Variants in DAPK1 observed in about 807,000 individuals in gnomAD.
DAPK1 encodes death associated protein kinase 1.
In DAPK1, 56 loss-of-function variants were observed where a neutral mutation model predicts 144.9. The observed-to-expected ratio is 0.39, with a 90% CI of 0.31 to 0.48. DAPK1 has a LOEUF of 0.48. Among genes scored for constraint, DAPK1 ranks in the 20% least tolerant of loss-of-function variants. The probability of loss-of-function intolerance (pLI) is 0.95; values close to 1 mark genes in which losing one functional copy is unlikely to be tolerated. For synonymous variants in DAPK1, 690 were observed against 749.0 expected, an observed-to-expected ratio of 0.92 and a Z score of 1.29; for missense variants, 1,454 against 1,875.4, an observed-to-expected ratio of 0.78 and a Z score of 4.15.
chr9:87,672,149 C>A (rs867373220), intron 19 of DAPK1, among the ~76,000 whole-genome samples: 3 of 152,152 alleles, frequency 2.0e-5, no homozygotes, highest in African/African-American at 7.2e-5. Flanking sequence ...CCACGTGTTT[C>A]CTGTTATTGT....
intron 2 of DAPK1, among the ~76,000 whole-genome samples, chr9:87,550,727 CCATGACAG>C: frequency 6.6e-6 from 1 of 152,270 alleles, no homozygotes; most frequent in East Asian, 1.9e-4. Context: ...ATAATTCAAC[CCATGACAG>C]CAGCACCTGG....
At chr9:87,672,439 G>A (rs955108732) in intron 19 of DAPK1, among the ~76,000 whole-genome samples, 6 of 152,222 alleles carry the variant, frequency 3.9e-5, no homozygotes, top group African/African-American at 9.6e-5. Flanking sequence ...CAATGGGCTC[G>A]GGGGGCTCCA....
intron 3 of DAPK1, among the ~76,000 whole-genome samples, chr9:87,615,261 C>T (rs1346110972): frequency 2.0e-5 from 3 of 152,168 alleles, no homozygotes; most frequent in Middle Eastern, 6.4e-3. Flanking sequence ...CTTTATTTCC[C>T]TGTGTGTAAC....
Position 87,707,737 on chromosome 9 carries a change from C to A in DAPK1, c.*373C>A. The A allele has an allele frequency of 2.3e-6, 1 of 434,474 alleles. No individual in the cohort carries two copies. The highest frequency in any genetic ancestry group is 4.4e-6 in the Non-Finnish European group (1 of 226,454). The allele number at this position is 434,474 out of a possible 1,614,324, so 26.9% of individuals were successfully genotyped here. On this transcript the variant is annotated 3_prime_UTR_variant, in exon 26 of 26. Transcript: ENST00000408954. The surrounding 1 kb of genome is among the most constrained non-coding windows in gnomAD (Gnocchi z 4.0). ...TTTTTTTAACTACTATATTGATTGT[C>A]CTTTAAAAAAGAAAAGTGCATATTT...
At chr9:87,679,244 G>A (rs1366082253) in intron 19 of DAPK1, among the ~76,000 whole-genome samples, 2 of 152,108 alleles carry the variant, frequency 1.3e-5, no homozygotes, top group African/African-American at 4.8e-5. Context: ...ACAGGTCGGG[G>A]GTCACCATGG....
chr9:87,539,423 T>A (rs1398835235), intron 2 of DAPK1, among the ~76,000 whole-genome samples: 1 of 130,574 alleles, frequency 7.7e-6, no homozygotes, highest in East Asian at 2.2e-4. Flanking sequence ...AAGTTTTAAA[T>A]TTCTCACTTT....
At chr9:87,547,183 T>G (rs960405163) in intron 2 of DAPK1, among the ~76,000 whole-genome samples, 2 of 151,986 alleles carry the variant, frequency 1.3e-5, no homozygotes, top group East Asian at 3.9e-4. Context: ...GTAGAAGGCT[T>G]TGAAAACCCA....
chr9:87,685,666 G>T (rs560506077), intron 20 of DAPK1, among the ~76,000 whole-genome samples: 1 of 152,274 alleles, frequency 6.6e-6, no homozygotes, highest in South Asian at 2.1e-4. Flanking sequence ...ATGCCTAAAC[G>T]CAGGGGACCC....
At chr9:87,678,390 C>T (rs1046244988) in intron 19 of DAPK1, among the ~76,000 whole-genome samples, 3 of 152,242 alleles carry the variant, frequency 2.0e-5, no homozygotes, top group Non-Finnish European at 2.9e-5. Flanking sequence ...GGAAACCCAG[C>T]AGGTCCCTGC....
chr9:87,512,644 GGCT>G (rs1427981875), intron 2 of DAPK1, among the ~76,000 whole-genome samples: 1 of 152,078 alleles, frequency 6.6e-6, no homozygotes, highest in Non-Finnish European at 1.5e-5. Flanking sequence ...CTGTGTGAGA[GGCT>G]GCTTTCTTTT....
intron 7 of DAPK1, among the ~76,000 whole-genome samples, 165 bp from the exon 8 acceptor site, chr9:87,640,133 T>C (rs2119132663): frequency 6.6e-6 from 1 of 152,332 alleles, no homozygotes; most frequent in African/African-American, 2.4e-5. Context: ...TGCCTGAAGC[T>C]GAAGCATTTG....
At chr9:87,539,691 T>G (rs1388561026) in intron 2 of DAPK1, among the ~76,000 whole-genome samples, 1 of 152,112 alleles carries the variant, frequency 6.6e-6, no homozygotes, top group Admixed American at 6.5e-5. Context: ...GTGCTGAGAT[T>G]ACAGGCATAA....
Position 87,697,004 on chromosome 9 carries a change from T to C in DAPK1, c.2414-3T>C, listed in dbSNP as rs1354218228. ...GATTGTTATCATTTTTCTTTTTCTG[T>C]AGGAGTTGGCGATTTCAGCGTGTGG... On this transcript the variant is annotated splice_polypyrimidine_tract_variant and splice_region_variant and intron_variant, in intron 21 of 25. Coordinates refer to ENST00000408954, the MANE Select transcript of DAPK1 (RefSeq NM_004938.4). 6.7e-7 allele frequency: 1 copy of C among 1,485,480 alleles called. No individual in the cohort carries two copies. The highest frequency in any genetic ancestry group is 9.4e-7 in the Non-Finnish European group (1 of 1,062,332). 92.0% of individuals were successfully genotyped at this position (1,485,480 alleles called of 1,614,324 possible). A position where few individuals can be genotyped will look rare whatever the true frequency, so the allele number is the denominator to read the frequency against.
intron 12 of DAPK1, 36 bp from the exon 13 acceptor site, chr9:87,646,425 C>A: frequency 1.3e-6 from 2 of 1,505,804 alleles, no homozygotes; most frequent in Non-Finnish European, 1.8e-6. Context: ...TCCTACCAAA[C>A]CTGAAAATTA....
At chr9:87,547,750 T>C (rs1826313133) in intron 2 of DAPK1, among the ~76,000 whole-genome samples, 1 of 152,106 alleles carries the variant, frequency 6.6e-6, no homozygotes, top group Admixed American at 6.6e-5. Context: ...TCATCTGGAC[T>C]CTGAAGGCCA....
chr9:87,700,322 G>A, intron 24 of DAPK1, 85 bp downstream of exon 24: 1 of 1,007,086 alleles, frequency 9.9e-7, no homozygotes, highest in Non-Finnish European at 1.6e-6. Flanking sequence ...TTCATAGTAG[G>A]ACCCAGTAAG....
intron 2 of DAPK1, among the ~76,000 whole-genome samples, chr9:87,516,244 C>T (rs1305813588): frequency 6.6e-6 from 1 of 152,158 alleles, no homozygotes. Flanking sequence ...ATTCCAGATC[C>T]TCTTGCACAC....
At chr9:87,629,675 C>G (rs1829603222) in intron 3 of DAPK1, among the ~76,000 whole-genome samples, 1 of 152,072 alleles carries the variant, frequency 6.6e-6, no homozygotes, top group South Asian at 2.1e-4. Flanking sequence ...ATGCCTGGGC[C>G]TAACTCTTTC....
At position 87,528,826 on chromosome 9, in the gene DAPK1, C is replaced by T. The variant is rs539945263; in HGVS notation, c.62+29687C>T. On this transcript the variant is annotated intron_variant, in intron 2 of 25. Coordinates refer to ENST00000408954, the MANE Select transcript of DAPK1 (RefSeq NM_004938.4). ...GGCGGAGGTTGCAGTGAACCGAGAT[C>T]GCGCCACTGCACTCCAGCCTGGGTG... 8.2e-4 allele frequency among the ~76,000 whole-genome samples: 121 copies of T among 147,508 alleles called. 1 individual carries two copies. The highest frequency in any genetic ancestry group is 3.5e-3 in the Middle Eastern group (1 of 288).
Sources: allele counts gnomAD v4.1 joint callset (sites outside exome capture counted in the v4.1 genomes callset), GRCh38; gene constraint gnomAD v4.1.1; non-coding constraint Gnocchi (gnomAD v3.1); transcripts MANE v1.5; gene names NCBI Gene and HGNC (gene_info 2026-07-23, HGNC 2026-07-21).